DHX16: variants seen among roughly 807,000 people sequenced by gnomAD.
DHX16 encodes DEAH-box helicase 16, also known as pre-mRNA-splicing factor ATP-dependent RNA helicase DHX16.
Under a neutral mutation model 131.2 loss-of-function variants are expected in DHX16, and 81 were observed. That is an observed-to-expected ratio of 0.62 (90% CI 0.52 to 0.74). The LOEUF (loss-of-function observed/expected upper bound fraction) is 0.74. Ranked by LOEUF, DHX16 falls within the 30% of genes least tolerant of loss-of-function variation. The probability of loss-of-function intolerance (pLI) is 0.00; values close to 1 mark genes in which losing one functional copy is unlikely to be tolerated. For missense variants in DHX16, 980 were observed against 1,363.1 expected (o/e 0.72, Z 4.43); for synonymous variants, 440 against 520.2 (o/e 0.85, Z 2.10).
At chr6:30,654,644 T>C (rs1431299884) in intron 19 of DHX16, 62 bp downstream of exon 19, 2 of 1,494,632 alleles carry the variant, frequency 1.3e-6, no homozygotes, top group Non-Finnish European at 1.8e-6. Flanking sequence ...GGTTCTTAGC[T>C]TGCCAGGACA....
Position 30,670,687 on chromosome 6 carries a change from C to A in DHX16, c.609+103G>T. On this transcript the variant is annotated intron_variant, in intron 3 of 19. Transcript: ENST00000376442. The surrounding 1 kb of genome is among the most constrained non-coding windows in gnomAD (Gnocchi z 4.4). Reference sequence around the variant, plus strand: ...ACAGAGGTGAACATCTCACTAGAGACAGCCCCTTGTCTTCCCAGAGATCAC... The same window carrying A: ...ACAGAGGTGAACATCTCACTAGAGAAAGCCCCTTGTCTTCCCAGAGATCAC... 2.0e-6 allele frequency: 3 copies of A among 1,497,766 alleles called. No homozygotes were observed. The highest frequency in any genetic ancestry group is 9.1e-7 in the Non-Finnish European group (1 of 1,095,022). The allele number at this position is 1,497,766 out of a possible 1,614,324, so 92.8% of individuals were successfully genotyped here.
chr6:30,657,807 C>T (rs1485019779), intron 12 of DHX16, among the ~76,000 whole-genome samples: 1 of 152,174 alleles, frequency 6.6e-6, no homozygotes, highest in Non-Finnish European at 1.5e-5. Flanking sequence ...AGAGGCCCTC[C>T]CTACACCCCA....
chr6:30,661,962 C>A, intron 9 of DHX16: 1 of 692,184 alleles, frequency 1.4e-6, no homozygotes, highest in South Asian at 1.5e-5. Flanking sequence ...TCTGAAGAGT[C>A]AAAAAGGCAC....
At chr6:30,659,372 G>A (rs1768264442) in intron 12 of DHX16, 100 bp downstream of exon 12, 1 of 1,277,198 alleles carries the variant, frequency 7.8e-7, no homozygotes, top group African/African-American at 1.5e-5. Context: ...GCTGTGTGCA[G>A]CAGTGCGCAG....
chr6:30,663,611 C>T (rs1421415450), intron 7 of DHX16, among the ~76,000 whole-genome samples: 1 of 150,852 alleles, frequency 6.6e-6, no homozygotes, highest in Non-Finnish European at 1.5e-5. Flanking sequence ...TTTCCAGCTA[C>T]TTGGGAGGCT....
chr6:30,672,935 T>C lies in DHX16; in HGVS notation c.-94A>G, dbSNP rs961846827. The C allele has an allele frequency of 2.6e-6, 4 of 1,564,788 alleles. No homozygotes were observed. The highest frequency in any genetic ancestry group is 3.5e-6 in the Non-Finnish European group (4 of 1,154,550). On this transcript the variant is annotated 5_prime_UTR_variant, in exon 1 of 20. It removes the in-frame stop codon of an upstream open reading frame in the 5' UTR. Transcript: ENST00000376442. The stretch of plus-strand genomic sequence containing the variant: ...AGGCCTGGAGCCCTCGGCTGGAGCC[T>C]CAGCTTCGCAAGTCAGCTACCTTGG...
chr6:30,667,740 G>A (rs960750896), intron 4 of DHX16, among the ~76,000 whole-genome samples: 8 of 152,018 alleles, frequency 5.3e-5, no homozygotes, highest in East Asian at 1.9e-4. Context: ...GTATGTCCCC[G>A]TGATATGACA....
At chr6:30,658,814 T>C (rs1218182331) in intron 12 of DHX16, among the ~76,000 whole-genome samples, 1 of 152,206 alleles carries the variant, frequency 6.6e-6, no homozygotes, top group African/African-American at 2.4e-5. Context: ...CTTCACCACA[T>C]GAACCTCCCA....
chr6:30,662,638 C>T lies in DHX16; in HGVS notation c.1533G>A (p.Leu511=). The T allele has an allele frequency of 6.2e-7, 1 of 1,612,978 alleles. No individual in the cohort carries two copies. Among genetic ancestry groups the T allele is most frequent in the South Asian group, 1.1e-5 (1 of 91,078 alleles). Residue 511 remains leucine, a synonymous_variant, in exon 9 of 20, where the codon CTG becomes CTA. Transcript: ENST00000376442. The surrounding 1 kb of genome is among the most constrained non-coding windows in gnomAD (Gnocchi z 4.7). Reference sequence around the variant, plus strand: ...GAGATTAGAGATACCTGTAACTCGCCAGGTCAGGCTCAGAGAGGAACTCCC... The same window carrying T: ...GAGATTAGAGATACCTGTAACTCGCTAGGTCAGGCTCAGAGAGGAACTCCC... ...LLREFLSEPD[L]ASYSVVMVDE... is the part of the protein sequence containing the mutation.
chr6:30,655,365 G>C, intron 17 of DHX16, 29 bp from the exon 18 acceptor site: 1 of 1,613,728 alleles, frequency 6.2e-7, no homozygotes, highest in Non-Finnish European at 8.5e-7. Context: ...AGAAAGGAGA[G>C]ATAATTAAGT....
In DHX16 at chr6:30,662,172, CTG is replaced by C. The variant is rs569055815; in HGVS notation, c.1544+453_1544+454del. Among the ~76,000 whole-genome samples, 1,406 of 152,304 alleles carry C rather than the reference CTG, an allele frequency of 9.2e-3. 5 individuals carry two copies. Among genetic ancestry groups the C allele is most frequent in the Middle Eastern group, 0.027 (8 of 294 alleles). On this transcript the variant is annotated intron_variant, in intron 9 of 19. Coordinates refer to ENST00000376442, the MANE Select transcript of DHX16 (RefSeq NM_003587.5). This position sits in a 1 kb window ranked among gnomAD's most constrained non-coding sequence, Gnocchi z 4.7. ...GACAGGCCCTGCAATCTCCACCACT[CTG>C]AGGGTTACTCAGCCATTGGTATTGA...
rs775682128 is a variant in DHX16, at chr6:30,659,531, T to C, written c.1948A>G (p.Asn650Asp). The C allele has an allele frequency of 1.2e-6, 2 of 1,610,560 alleles. No homozygotes were observed. Among genetic ancestry groups the C allele is most frequent in the Non-Finnish European group, 1.7e-6 (2 of 1,178,958 alleles). The stretch of plus-strand genomic sequence containing the variant: ...CGGGCCTGCATGTCAGAGGGCAGAT[T>C]GGCATAAATGGGCAGCACCAGGAGC... ...RELLVLPIYA[N>D]LPSDMQARIF... Residue 650 changes from asparagine to aspartate, a missense_variant, in exon 12 of 20, where the codon AAT becomes GAT. Physicochemically the swap from Asn to Asp is conservative, Grantham distance 23. Around this residue, in one of 3 missense-constraint regions of DHX16, gnomAD observed 309 missense variants for 537.1 expected, o/e 0.58. Transcript: ENST00000376442.
intron 9 of DHX16, 46 bp from the exon 10 acceptor site, chr6:30,660,288 G>T: frequency 6.9e-7 from 1 of 1,448,080 alleles, no homozygotes; most frequent in Non-Finnish European, 9.2e-7. Context: ...GCTAGGCAAT[G>T]CAGTATCAGA....
chr6:30,653,784 CTG>C (rs1266746530), intron 19 of DHX16, among the ~76,000 whole-genome samples: 2 of 152,198 alleles, frequency 1.3e-5, no homozygotes, highest in African/African-American at 4.8e-5. Flanking sequence ...AGATACACCT[CTG>C]TATGTTATTC....
At chr6:30,654,503 T>C (rs1433004794) in intron 19 of DHX16, among the ~76,000 whole-genome samples, 1 of 152,134 alleles carries the variant, frequency 6.6e-6, no homozygotes, top group Non-Finnish European at 1.5e-5. Context: ...TGAGGCTAGA[T>C]TGCGCCACTG....
At chr6:30,654,287 G>C (rs141736557) in intron 19 of DHX16, among the ~76,000 whole-genome samples, 1 of 152,016 alleles carries the variant, frequency 6.6e-6, no homozygotes, top group Non-Finnish European at 1.5e-5. Flanking sequence ...ATGTCTTTGG[G>C]CTGGGCATGG....
chr6:30,670,685 G>A lies in DHX16; in HGVS notation c.609+105C>T, dbSNP rs1269039359. On this transcript the variant is annotated intron_variant, in intron 3 of 19. Coordinates refer to ENST00000376442, the MANE Select transcript of DHX16 (RefSeq NM_003587.5). This position sits in a 1 kb window ranked among gnomAD's most constrained non-coding sequence, Gnocchi z 4.4. ...CCACAGAGGTGAACATCTCACTAGA[G>A]ACAGCCCCTTGTCTTCCCAGAGATC... 1.3e-6 allele frequency: 2 copies of A among 1,491,718 alleles called. No homozygotes were observed. Among genetic ancestry groups the A allele is most frequent in the East Asian group, 4.5e-5 (2 of 44,110 alleles). The allele number at this position is 1,491,718 out of a possible 1,614,324, so 92.4% of individuals were successfully genotyped here.
chr6:30,667,100 GA>G (rs1472260665), intron 4 of DHX16, among the ~76,000 whole-genome samples: 1 of 151,812 alleles, frequency 6.6e-6, no homozygotes, highest in African/African-American at 2.4e-5. Context: ...AAAAACAAGG[GA>G]AAAAAATCTG....
In DHX16 at chr6:30,671,110, C is replaced by T. The variant is rs758432267; in HGVS notation, c.372G>A (p.Lys124=). 2 of 1,612,984 alleles carry T rather than the reference C, an allele frequency of 1.2e-6. No homozygotes were observed. Among genetic ancestry groups the T allele is most frequent in the African/African-American group, 1.3e-5 (1 of 74,902 alleles). ...AGSSLQKKRK[K]RKHLRKKREE... is the part of the protein sequence containing the mutation. The stretch of plus-strand genomic sequence containing the variant: ...CACGCTTCTTCCTGAGGTGTTTCCG[C>T]TTTTTACGTTTCTTCTGGAGGCTGC... Residue 124 remains lysine (K), a synonymous_variant, in exon 2 of 20, where the codon AAG becomes AAA. Coordinates refer to ENST00000376442, the MANE Select transcript of DHX16 (RefSeq NM_003587.5).
Sources: gnomAD v4.1 joint callset for allele counts (sites outside exome capture counted in the v4.1 genomes callset) on GRCh38, gnomAD v4.1.1 for gene constraint, gnomAD v4.1.1 regional missense constraint, Gnocchi (gnomAD v3.1) non-coding constraint, MANE v1.5 for transcripts, NCBI Gene and HGNC (gene_info 2026-07-23, HGNC 2026-07-21) for gene names.